FBXW11: variants seen among roughly 807,000 people sequenced by gnomAD.
The protein encoded by FBXW11 is F-box/WD repeat-containing protein 11.
Under a neutral mutation model 77.6 loss-of-function variants are expected in FBXW11, and 19 were observed. That is an observed-to-expected ratio of 0.24 (90% CI 0.17 to 0.36). FBXW11 has a LOEUF of 0.36. Ranked by LOEUF, FBXW11 falls within the 10% of genes least tolerant of loss-of-function variation. The pLI, the probability that FBXW11 is intolerant of heterozygous loss-of-function variation, is 1.00. For missense variants in FBXW11, 334 were observed against 704.2 expected (o/e 0.47, Z 5.95); for synonymous variants, 235 against 249.4 (o/e 0.94, Z 0.54).
chr5:171,961,079 G>A (rs185548025), intron 1 of FBXW11, among the ~76,000 whole-genome samples: 58 of 152,174 alleles, frequency 3.8e-4, no homozygotes, highest in African/African-American at 1.3e-3. Context: ...CTACACAATA[G>A]ACATTACTTT....
At chr5:171,981,404 G>A (rs889859998) in intron 1 of FBXW11, among the ~76,000 whole-genome samples, 3 of 152,284 alleles carry the variant, frequency 2.0e-5, no homozygotes, top group Admixed American at 2.0e-4. Context: ...TACTGAACAT[G>A]AGCAGGTGAT....
Position 171,899,697 on chromosome 5 carries a change from CCAT to C in FBXW11, c.623+214_623+216del, listed in dbSNP as rs1320356174. On this transcript the variant is annotated intron_variant, in intron 5 of 13. Transcript: ENST00000517395. ...ATACATAGCTTTGAAACGCCAAATCCCATCAAACTATATAATACAGTTCATAAA... is the reference window on the plus strand; with the variant it reads ...ATACATAGCTTTGAAACGCCAAATCCCAAACTATATAATACAGTTCATAAA... Among the ~76,000 whole-genome samples, 3 of 36,076 alleles carry C rather than the reference CCAT, an allele frequency of 8.3e-5. No homozygotes were observed. In the East Asian group the frequency reaches 0.19, roughly 2,255 times the overall value. The allele number at this position is 36,076 out of a possible 152,430, so 23.7% of individuals were successfully genotyped here.
chr5:171,961,013 C>T (rs1763880121), intron 1 of FBXW11, among the ~76,000 whole-genome samples: 3 of 152,114 alleles, frequency 2.0e-5, no homozygotes, highest in South Asian at 4.1e-4. Flanking sequence ...TTATTAGATG[C>T]TGACATCATG....
At chr5:171,953,126 T>C (rs1284454840) in intron 2 of FBXW11, among the ~76,000 whole-genome samples, 1 of 152,142 alleles carries the variant, frequency 6.6e-6, no homozygotes. Context: ...CATGCCACCA[T>C]GTCCACCTAA....
intron 1 of FBXW11, among the ~76,000 whole-genome samples, chr5:171,968,170 T>G: frequency 6.6e-6 from 1 of 151,768 alleles, no homozygotes; most frequent in African/African-American, 2.4e-5. Context: ...CTATAAGAAT[T>G]TGGTTGCCGG....
intron 1 of FBXW11, among the ~76,000 whole-genome samples, chr5:171,988,768 C>T (rs935918699): frequency 1.3e-5 from 2 of 151,982 alleles, no homozygotes; most frequent in Non-Finnish European, 2.9e-5. Flanking sequence ...TTGCTTGAAT[C>T]CAGGAGGCAG....
intron 1 of FBXW11, among the ~76,000 whole-genome samples, chr5:171,972,502 TA>T (rs70982360): frequency 1.9e-3 from 92 of 48,212 alleles, no homozygotes; most frequent in African/African-American, 6.6e-3. Context: ...CTCTGTCTCA[TA>T]AAAAAAAAAA....
At chr5:171,997,464 C>T (rs559250010) in intron 1 of FBXW11, among the ~76,000 whole-genome samples, 1 of 152,322 alleles carries the variant, frequency 6.6e-6, no homozygotes, top group Non-Finnish European at 1.5e-5. Context: ...TACGAGAGGG[C>T]TCAAATATCT....
intron 6 of FBXW11, among the ~76,000 whole-genome samples, chr5:171,897,824 A>T (rs1372650056): frequency 6.6e-6 from 1 of 152,110 alleles, no homozygotes; most frequent in Non-Finnish European, 1.5e-5. Flanking sequence ...CCTTAGTACA[A>T]CTACCTGGGG....
At chr5:171,968,059 C>T (rs1180663195) in intron 1 of FBXW11, among the ~76,000 whole-genome samples, 3 of 151,988 alleles carry the variant, frequency 2.0e-5, no homozygotes, top group African/African-American at 4.8e-5. Flanking sequence ...AGAATATTGG[C>T]ATTTCCACAG....
intron 1 of FBXW11, among the ~76,000 whole-genome samples, chr5:171,985,914 T>C (rs529505298): frequency 6.6e-6 from 1 of 152,190 alleles, no homozygotes; most frequent in East Asian, 1.9e-4. Context: ...ACCACTGTAC[T>C]CCAGCCTGGG....
In FBXW11 at chr5:171,904,533, C is replaced by G. The variant is rs927677010; in HGVS notation, c.437-4433G>C. On this transcript the variant is annotated intron_variant, in intron 4 of 13. Transcript: ENST00000517395. The surrounding 1 kb of genome is among the most constrained non-coding windows in gnomAD (Gnocchi z 4.0). ...CTCCTGACCTACAAAATCAGAATCT[C>G]TAGACGGTAAGGCCCAGGAATCTGG... Among the ~76,000 whole-genome samples, 22 of 152,112 alleles carry G rather than the reference C, an allele frequency of 1.4e-4. No homozygotes were observed. The highest frequency in any genetic ancestry group is 1.1e-3 in the Admixed American group (17 of 15,278).
At chr5:171,990,786 T>C (rs995317107) in intron 1 of FBXW11, among the ~76,000 whole-genome samples, 5 of 152,142 alleles carry the variant, frequency 3.3e-5, no homozygotes, top group African/African-American at 1.2e-4. Flanking sequence ...AAGAATGTAG[T>C]TGGGTGGCTA....
chr5:171,983,526 A>T (rs1192446147), intron 1 of FBXW11, among the ~76,000 whole-genome samples: 1 of 152,088 alleles, frequency 6.6e-6, no homozygotes, highest in Admixed American at 6.5e-5. Context: ...CCAAGCCCTC[A>T]ATCTGTGGGA....
At chr5:171,999,207 T>C (rs1766262951) in intron 1 of FBXW11, among the ~76,000 whole-genome samples, 2 of 152,174 alleles carry the variant, frequency 1.3e-5, no homozygotes, top group South Asian at 4.1e-4. Context: ...GCTAGGGAAC[T>C]ATGGCTAGTA....
chr5:171,899,682 T>C lies in FBXW11; in HGVS notation c.623+232A>G, dbSNP rs1759985222. On this transcript the variant is annotated intron_variant, in intron 5 of 13. Coordinates refer to ENST00000517395, the MANE Select transcript of FBXW11 (RefSeq NM_001378974.1). ...AAGGAAAAAACATAAATACATAGCT[T>C]TGAAACGCCAAATCCCATCAAACTA... 4.6e-5 allele frequency among the ~76,000 whole-genome samples: 3 copies of C among 64,544 alleles called. No individual in the cohort carries two copies. The Admixed American group carries it at 6.4e-4, about 14-fold the overall frequency. The allele number at this position is 64,544 out of a possible 152,430, so 42.3% of individuals were successfully genotyped here.
chr5:171,981,938 T>C (rs1172225683), intron 1 of FBXW11, among the ~76,000 whole-genome samples: 2 of 152,246 alleles, frequency 1.3e-5, no homozygotes, highest in Non-Finnish European at 2.9e-5. Context: ...GTGCATCTTG[T>C]ATGATTCCAT....
Position 171,957,512 on chromosome 5 carries a change from T to G in FBXW11, c.147+85A>C, listed in dbSNP as rs879148618. 6 of 1,207,384 alleles carry G rather than the reference T, an allele frequency of 5.0e-6. No individual in the cohort carries two copies. In the South Asian group the frequency reaches 6.1e-5, roughly 12 times the overall value. 74.8% of individuals were successfully genotyped at this position (1,207,384 alleles called of 1,614,324 possible). ...CACAGAACATTTAGCAGACTTAACA[T>G]TGGATTAAACACACTACTGCAAGTT... On this transcript the variant is annotated intron_variant, in intron 2 of 13. Coordinates refer to ENST00000517395, the MANE Select transcript of FBXW11 (RefSeq NM_001378974.1).
chr5:171,871,429 T>C (rs975453727), intron 10 of FBXW11, among the ~76,000 whole-genome samples: 1 of 152,194 alleles, frequency 6.6e-6, no homozygotes, highest in Non-Finnish European at 1.5e-5. Context: ...GGCTGTCTCT[T>C]GATGAGGCTT....
Sources: allele counts gnomAD v4.1 joint callset (sites outside exome capture counted in the v4.1 genomes callset), GRCh38; gene constraint gnomAD v4.1.1; non-coding constraint Gnocchi (gnomAD v3.1); transcripts MANE v1.5; gene names NCBI Gene and HGNC (gene_info 2026-07-23, HGNC 2026-07-21).